Variants in ADGRB3 observed in about 807,000 individuals in gnomAD.
ADGRB3 encodes brain-specific angiogenesis inhibitor 3.
ADGRB3 carries 37 observed loss-of-function variants against 193.4 expected under a neutral mutation model. The observed-to-expected ratio is 0.19, with a 90% CI of 0.15 to 0.25. The LOEUF (loss-of-function observed/expected upper bound fraction) is 0.25. Among genes scored for constraint, ADGRB3 ranks in the 10% least tolerant of loss-of-function variants. The probability of loss-of-function intolerance (pLI) is 1.00; values close to 1 mark genes in which losing one functional copy is unlikely to be tolerated. For synonymous variants in ADGRB3, 690 were observed against 644.2 expected, an observed-to-expected ratio of 1.07 and a Z score of -1.08; for missense variants, 1,637 against 1,852.9, an observed-to-expected ratio of 0.88 and a Z score of 2.14.
intron 20 of ADGRB3, among the ~76,000 whole-genome samples, chr6:69,318,459 T>A (rs1470663671): frequency 6.6e-6 from 1 of 151,398 alleles, no homozygotes; most frequent in Non-Finnish European, 1.5e-5. Context: ...ATCCTTTTAC[T>A]GTATTTCTAG....
chr6:68,910,152 G>A (rs1766659609), intron 3 of ADGRB3, among the ~76,000 whole-genome samples: 1 of 152,082 alleles, frequency 6.6e-6, no homozygotes, highest in Admixed American at 6.6e-5. Flanking sequence ...TTCTCTGATG[G>A]CCAGTGATGA....
intron 3 of ADGRB3, among the ~76,000 whole-genome samples, chr6:68,711,107 C>T (rs1259268927): frequency 1.3e-5 from 2 of 152,090 alleles, no homozygotes; most frequent in South Asian, 4.1e-4. Flanking sequence ...CAGCTCTCTC[C>T]CTGCCAGTTC....
At chr6:69,007,650 TATCTA>T (rs1769798415) in intron 11 of ADGRB3, among the ~76,000 whole-genome samples, 3 of 150,756 alleles carry the variant, frequency 2.0e-5, no homozygotes, top group Non-Finnish European at 4.4e-5. Flanking sequence ...TCCTGATGAC[TATCTA>T]ATCTAAAGTA....
intron 17 of ADGRB3, among the ~76,000 whole-genome samples, chr6:69,085,337 TC>T (rs1772515410): frequency 6.6e-6 from 1 of 152,130 alleles, no homozygotes; most frequent in Non-Finnish European, 1.5e-5. Context: ...TGGGATGATT[TC>T]AGGAGACCTT....
chr6:69,282,656 G>A (rs1407872885), intron 20 of ADGRB3, among the ~76,000 whole-genome samples: 5 of 152,148 alleles, frequency 3.3e-5, no homozygotes, highest in Non-Finnish European at 5.9e-5. Flanking sequence ...TGAAACTACT[G>A]AGGCTTAAGC....
intron 17 of ADGRB3, among the ~76,000 whole-genome samples, chr6:69,173,854 C>A (rs1471465321): frequency 6.6e-6 from 1 of 151,952 alleles, no homozygotes; most frequent in African/African-American, 2.4e-5. Flanking sequence ...ATGGGAGCAC[C>A]CCAAAGCGTT....
chr6:69,202,003 A>T (rs1487432457), intron 17 of ADGRB3, among the ~76,000 whole-genome samples: 2 of 152,146 alleles, frequency 1.3e-5, no homozygotes, highest in Admixed American at 6.6e-5. Flanking sequence ...ATTGTAAATG[A>T]TGTTCAGATT....
chr6:69,054,458 AT>A lies in ADGRB3; in HGVS notation c.2333+5113del, dbSNP rs1771488427. On this transcript the variant is annotated intron_variant, in intron 15 of 31. Coordinates refer to ENST00000370598, the MANE Select transcript of ADGRB3 (RefSeq NM_001704.3). Reference sequence around the variant, plus strand: ...AAGCAGTCAGCTCTCTCCAGAGCTCATGTCCTTAGGTTTAGGACCTAAACTT... The same window carrying A: ...AAGCAGTCAGCTCTCTCCAGAGCTCAGTCCTTAGGTTTAGGACCTAAACTT... 9.2e-5 allele frequency among the ~76,000 whole-genome samples: 14 copies of A among 152,316 alleles called. No individual in the cohort carries two copies. The South Asian group carries it at 2.9e-3, about 32-fold the overall frequency.
chr6:69,220,209 T>C (rs1440730454), intron 17 of ADGRB3, among the ~76,000 whole-genome samples: 1 of 152,124 alleles, frequency 6.6e-6, no homozygotes, highest in African/African-American at 2.4e-5. Flanking sequence ...TTAATGACCT[T>C]TTCAAACTTG....
At chr6:69,127,558 G>A (rs972098087) in intron 17 of ADGRB3, among the ~76,000 whole-genome samples, 1 of 152,088 alleles carries the variant, frequency 6.6e-6, no homozygotes, top group African/African-American at 2.4e-5. Flanking sequence ...TCGGTGTCTT[G>A]CTTTTCTCTA....
intron 30 of ADGRB3, among the ~76,000 whole-genome samples, chr6:69,376,155 A>G (rs1035347786): frequency 1.5e-5 from 2 of 132,378 alleles, no homozygotes; most frequent in Non-Finnish European, 3.1e-5. Flanking sequence ...CAGTGGTGCA[A>G]TCTTGGCTCA....
intron 3 of ADGRB3, among the ~76,000 whole-genome samples, chr6:68,703,503 T>A (rs918545937): frequency 3.3e-5 from 5 of 152,186 alleles, no homozygotes; most frequent in African/African-American, 1.2e-4. Flanking sequence ...TTTTCAACAC[T>A]GATTTTGTAA....
chr6:68,872,445 A>G (rs1322400863), intron 3 of ADGRB3, among the ~76,000 whole-genome samples: 4 of 152,168 alleles, frequency 2.6e-5, no homozygotes, highest in Non-Finnish European at 5.9e-5. Flanking sequence ...TGATTTTTAA[A>G]AAGGAAACGT....
At chr6:69,000,198 G>A (rs1769527012) in intron 11 of ADGRB3, among the ~76,000 whole-genome samples, 1 of 151,560 alleles carries the variant, frequency 6.6e-6, no homozygotes, top group African/African-American at 2.4e-5. Context: ...GTAAAAAAAA[G>A]AAACAAAGAA....
chr6:68,671,520 G>C (rs970271437), intron 3 of ADGRB3, among the ~76,000 whole-genome samples: 1 of 151,830 alleles, frequency 6.6e-6, no homozygotes, highest in African/African-American at 2.4e-5. Context: ...TGATCATATG[G>C]CTTTTATCTT....
intron 13 of ADGRB3, 51 bp from the exon 14 acceptor site, chr6:69,048,134 C>T (rs778291871): frequency 6.4e-7 from 1 of 1,556,278 alleles, no homozygotes; most frequent in South Asian, 1.2e-5. Context: ...ACACTGATTA[C>T]ACTAAAATGT....
intron 3 of ADGRB3, among the ~76,000 whole-genome samples, chr6:68,732,993 A>T (rs1765800987): frequency 6.6e-6 from 1 of 151,718 alleles, no homozygotes; most frequent in South Asian, 2.1e-4. Flanking sequence ...GATGCTGTTG[A>T]CTTGGGAACC....
intron 8 of ADGRB3, among the ~76,000 whole-genome samples, chr6:68,962,395 T>C (rs1217321172): frequency 6.6e-6 from 1 of 152,186 alleles, no homozygotes; most frequent in Non-Finnish European, 1.5e-5. Flanking sequence ...ACAGTATGTA[T>C]ACCAGATGCC....
chr6:68,814,126 C>T (rs1008004468), intron 3 of ADGRB3, among the ~76,000 whole-genome samples: 6 of 152,142 alleles, frequency 3.9e-5, no homozygotes, highest in Admixed American at 1.3e-4. Context: ...CCTGAGGAAT[C>T]GCCACACTGA....
Sources: allele counts gnomAD v4.1 joint callset (sites outside exome capture counted in the v4.1 genomes callset), GRCh38; gene constraint gnomAD v4.1.1; transcripts MANE v1.5; gene names NCBI Gene and HGNC (gene_info 2026-07-23, HGNC 2026-07-21).